The following THNSL2 variants were observed in gnomAD, a reference collection of about 807,000 sequenced individuals.
THNSL2 encodes threonine synthase-like 2.
A neutral mutation model predicts 40.0 loss-of-function variants in THNSL2; 34 were observed. That is an observed-to-expected ratio of 0.85 (90% CI 0.65 to 1.13). The LOEUF (loss-of-function observed/expected upper bound fraction) is 1.13. Among genes scored for constraint, THNSL2 ranks in the 50% most tolerant of loss-of-function variants. The pLI, the probability that THNSL2 is intolerant of heterozygous loss-of-function variation, is 0.00. For missense variants in THNSL2, 537 were observed against 608.8 expected, an observed-to-expected ratio of 0.88 and a Z score of 1.24; for synonymous variants, 241 against 247.5, an observed-to-expected ratio of 0.97 and a Z score of 0.25.
chr2:88,178,502 T>C (rs180694934), intron 4 of THNSL2, among the ~76,000 whole-genome samples: 1 of 152,380 alleles, frequency 6.6e-6, no homozygotes, highest in East Asian at 1.9e-4. Flanking sequence ...TTATTTTAGA[T>C]AATGGTAGAA....
At chr2:88,185,581 G>A (rs1413559646) in intron 8 of THNSL2, 102 bp downstream of exon 8, 3 of 1,551,624 alleles carry the variant, frequency 1.9e-6, no homozygotes, top group Admixed American at 2.0e-5. Flanking sequence ...AAAAATGGCT[G>A]TAATGGAGTG....
intron 1 of THNSL2, chr2:88,171,916 T>G (rs183193699): frequency 5.9e-5 from 9 of 152,426 alleles, no homozygotes; most frequent in African/African-American, 2.2e-4. Flanking sequence ...TATTTGTAGT[T>G]AAGAGAGTGG....
At chr2:88,171,326 A>G in intron 1 of THNSL2, 1 of 456,672 alleles carries the variant, frequency 2.2e-6, no homozygotes, top group Non-Finnish European at 4.4e-6. Context: ...TCATCAGGCC[A>G]GCTCCTTCCA....
intron 1 of THNSL2, chr2:88,171,930 G>C (rs1676419156): frequency 2.0e-5 from 3 of 152,354 alleles, no homozygotes; most frequent in Non-Finnish European, 4.4e-5. Flanking sequence ...AGAGTGGCAC[G>C]TGGCAGCCCA....
chr2:88,170,795 C>A (rs1272698162), intron 1 of THNSL2, among the ~76,000 whole-genome samples: 1 of 152,030 alleles, frequency 6.6e-6, no homozygotes, highest in African/African-American at 2.4e-5. Context: ...TGACTGGCAC[C>A]GGTAGCCTCA....
In THNSL2 at chr2:88,174,708, G is replaced by C; in HGVS notation, c.293G>C (p.Gly98Ala). 1 of 1,614,192 alleles carries C rather than the reference G, an allele frequency of 6.2e-7. No homozygotes were observed. Among genetic ancestry groups the C allele is most frequent in the Non-Finnish European group, 8.5e-7 (1 of 1,180,040 alleles). The change falls in exon 3 of 9, where the codon GGG (glycine) becomes GCG (alanine). Residue 98 changes from glycine (G) to alanine (A), a missense_variant. Gly to Ala is a moderately conservative substitution (Grantham distance 60). Transcript: ENST00000674334. ...EVVHLSRLRNGLNVLELWHGV... is the reference protein window; with the variant it reads ...EVVHLSRLRNALNVLELWHGV... ...GTCCATCTGTCCAGGTTGAGGAATG[G>C]GCTGAACGTGTTGGAGCTGTGGCAT...
At chr2:88,182,662 C>T (rs754529173) in intron 5 of THNSL2, 37 bp from the exon 6 acceptor site, 11 of 1,473,834 alleles carry the variant, frequency 7.5e-6, no homozygotes, top group Non-Finnish European at 7.3e-6. Flanking sequence ...GCTTTTATTT[C>T]TAAAAAGCCA....
At chr2:88,185,246 A>G in intron 7 of THNSL2, 82 bp from the exon 8 acceptor site, 1 of 1,535,952 alleles carries the variant, frequency 6.5e-7, no homozygotes, top group Non-Finnish European at 8.8e-7. Context: ...GTTTGTGTGG[A>G]TCTGTGGTGG....
rs146746727 is a variant in THNSL2, at chr2:88,178,384, G to A, written c.572-399G>A. Among the ~76,000 whole-genome samples, 88 of 152,280 alleles carry A rather than the reference G, an allele frequency of 5.8e-4. 1 individual carries two copies. In the East Asian group the frequency reaches 0.013, roughly 22 times the overall value. ...TGGAGGAAAGGCTACGTCTCTCACCGTTTTCCAATCAGGCACACAGTTTCT... is the reference window on the plus strand; with the variant it reads ...TGGAGGAAAGGCTACGTCTCTCACCATTTTCCAATCAGGCACACAGTTTCT... On this transcript the variant is annotated intron_variant, in intron 4 of 8. Transcript: ENST00000674334.
Position 88,173,295 on chromosome 2 carries a change from C to T in THNSL2, c.145C>T (p.Leu49Phe), listed in dbSNP as rs1191875398. ...AGGGACCCTGTGCCAGTGGAGCACA[C>T]TCTCCTATCCTGGCCTGGTGAAGGA... is the stretch of plus-strand genomic sequence containing the variant. ...DRGTLCQWSTLSYPGLVKELC... is the reference protein window; with the variant it reads ...DRGTLCQWSTFSYPGLVKELC... The change falls in exon 2 of 9, where the codon CTC becomes TTC. Residue 49 changes from leucine (L) to phenylalanine (F), a missense_variant. Leu to Phe is a conservative substitution (Grantham distance 22). Transcript: ENST00000674334. 2.5e-6 allele frequency: 4 copies of T among 1,612,532 alleles called. No individual in the cohort carries two copies. Among genetic ancestry groups the T allele is most frequent in the Non-Finnish European group, 2.5e-6 (3 of 1,179,960 alleles).
At chr2:88,174,560 C>A in intron 2 of THNSL2, 79 bp from the exon 3 acceptor site, 1 of 1,477,032 alleles carries the variant, frequency 6.8e-7, no homozygotes, top group Non-Finnish European at 9.2e-7. Flanking sequence ...GAGTTGGAAA[C>A]TTTATATTCA....
chr2:88,175,175 C>G, intron 3 of THNSL2, 74 bp from the exon 4 acceptor site: 4 of 1,511,212 alleles, frequency 2.6e-6, no homozygotes. Flanking sequence ...GACAACAGTG[C>G]TTTGGGGACC....
chr2:88,179,175 C>T (rs1677271076), intron 5 of THNSL2, among the ~76,000 whole-genome samples, 162 bp downstream of exon 5: 1 of 152,244 alleles, frequency 6.6e-6, no homozygotes, highest in Non-Finnish European at 1.5e-5. Flanking sequence ...TTTCCCCCCT[C>T]ATTGCCTGGG....
In THNSL2 at chr2:88,186,355, C is replaced by T; in HGVS notation, c.*232C>T. 1 of 565,158 alleles carries T rather than the reference C, an allele frequency of 1.8e-6. No homozygotes were observed. Among genetic ancestry groups the T allele is most frequent in the Non-Finnish European group, 3.2e-6 (1 of 315,218 alleles). The allele number at this position is 565,158 out of a possible 1,614,324, so 35.0% of individuals were successfully genotyped here. On this transcript the variant is annotated 3_prime_UTR_variant, in exon 9 of 9. Coordinates refer to ENST00000674334, the MANE Select transcript of THNSL2 (RefSeq NM_018271.5). ...CCGGAAGCACCCCCTCCCTCCCCGG[C>T]CCGTGCAGCAGTGTCTGAGCTGTAG...
intron 1 of THNSL2, among the ~76,000 whole-genome samples, chr2:88,170,796 G>C (rs966578580): frequency 4.6e-5 from 7 of 152,040 alleles, no homozygotes; most frequent in African/African-American, 1.7e-4. Context: ...GACTGGCACC[G>C]GTAGCCTCAG....
chr2:88,185,869 C>G lies in THNSL2; in HGVS notation c.1230-29C>G, dbSNP rs536358259. On this transcript the variant is annotated intron_variant, in intron 8 of 8. Coordinates refer to ENST00000674334, the MANE Select transcript of THNSL2 (RefSeq NM_018271.5). ...CATCTCTCTATTCTCTCATTGTCCT[C>G]CGGGTGCCACCTGCCCCCATCCCCA... 1.9e-6 allele frequency: 3 copies of G among 1,568,356 alleles called. No homozygotes were observed. In the African/African-American group the frequency reaches 4.1e-5, roughly 21 times the overall value.
intron 3 of THNSL2, 38 bp from the exon 4 acceptor site, chr2:88,175,211 G>A: frequency 6.2e-7 from 1 of 1,600,190 alleles, no homozygotes; most frequent in South Asian, 1.1e-5. Flanking sequence ...CATTCCCTTT[G>A]TTCTAAAGGG....
At chr2:88,173,864 G>A (rs1573170731) in intron 2 of THNSL2, among the ~76,000 whole-genome samples, 2 of 152,184 alleles carry the variant, frequency 1.3e-5, no homozygotes, top group South Asian at 4.1e-4. Flanking sequence ...TTCTGATTCA[G>A]TAGGTCTGGG....
intron 1 of THNSL2, 160 bp from the exon 2 acceptor site, chr2:88,172,979 G>A: frequency 2.3e-6 from 1 of 434,462 alleles, no homozygotes; most frequent in Admixed American, 3.9e-5. Flanking sequence ...GATGAAGCTG[G>A]CATGAGACTT....
Sources: allele counts gnomAD v4.1 joint callset (sites outside exome capture counted in the v4.1 genomes callset), GRCh38; gene constraint gnomAD v4.1.1; transcripts MANE v1.5; gene names NCBI Gene and HGNC (gene_info 2026-07-23, HGNC 2026-07-21).